Variants in ADGRB3 observed in about 807,000 individuals in gnomAD.
The protein encoded by ADGRB3 is adhesion G protein-coupled receptor B3, also known as brain-specific angiogenesis inhibitor 3.
Under a neutral mutation model 193.4 loss-of-function variants are expected in ADGRB3, and 37 were observed. That is an observed-to-expected ratio of 0.19 (90% CI 0.15 to 0.25). ADGRB3 has a LOEUF of 0.25. Among genes scored for constraint, ADGRB3 ranks in the 10% least tolerant of loss-of-function variants. The pLI, the probability that ADGRB3 is intolerant of heterozygous loss-of-function variation, is 1.00. For synonymous variants in ADGRB3, 690 were observed against 644.2 expected, an observed-to-expected ratio of 1.07 and a Z score of -1.08; for missense variants, 1,637 against 1,852.9, an observed-to-expected ratio of 0.88 and a Z score of 2.14.
chr6:68,991,603 A>G (rs1202312993), intron 10 of ADGRB3, among the ~76,000 whole-genome samples: 1 of 151,672 alleles, frequency 6.6e-6, no homozygotes, highest in Non-Finnish European at 1.5e-5. Flanking sequence ...AGGCCCTGAG[A>G]TATGCATTTT....
chr6:68,926,742 A>G lies in ADGRB3; in HGVS notation c.758-3817A>G, dbSNP rs182197148. Among the ~76,000 whole-genome samples, 223 of 151,720 alleles carry G rather than the reference A, an allele frequency of 1.5e-3. 2 individuals carry two copies. The highest frequency in any genetic ancestry group is 5.3e-3 in the African/African-American group (219 of 41,062). ...ACACATGGTAAAATAAGAAACGGATATGTGTTTGTGTTTTAACTTTTTAAT... is the reference window on the plus strand; with the variant it reads ...ACACATGGTAAAATAAGAAACGGATGTGTGTTTGTGTTTTAACTTTTTAAT... On this transcript the variant is annotated intron_variant, in intron 3 of 31. Coordinates refer to ENST00000370598, the MANE Select transcript of ADGRB3 (RefSeq NM_001704.3).
At chr6:68,940,918 C>T (rs1336185323) in intron 5 of ADGRB3, among the ~76,000 whole-genome samples, 1 of 152,036 alleles carries the variant, frequency 6.6e-6, no homozygotes, top group Non-Finnish European at 1.5e-5. Context: ...TGAAACCTTT[C>T]ACTTATTTTA....
chr6:68,742,815 T>G (rs901796131), intron 3 of ADGRB3, among the ~76,000 whole-genome samples: 6 of 152,126 alleles, frequency 3.9e-5, no homozygotes, highest in African/African-American at 1.4e-4. Context: ...AACTAAATGG[T>G]GTGAACATTA....
chr6:68,998,672 T>C (rs375186785), intron 11 of ADGRB3, among the ~76,000 whole-genome samples: 1 of 152,254 alleles, frequency 6.6e-6, no homozygotes, highest in East Asian at 1.9e-4. Flanking sequence ...CCATTGTTTA[T>C]TTTTGATGCC....
At chr6:69,312,807 A>C (rs1240240919) in intron 20 of ADGRB3, among the ~76,000 whole-genome samples, 1 of 151,764 alleles carries the variant, frequency 6.6e-6, no homozygotes, top group African/African-American at 2.4e-5. Context: ...TAGATTACAC[A>C]CATGAATGCA....
intron 3 of ADGRB3, among the ~76,000 whole-genome samples, chr6:68,909,499 A>T (rs1178596159): frequency 6.6e-6 from 1 of 152,210 alleles, no homozygotes; most frequent in Non-Finnish European, 1.5e-5. Context: ...AAATGTAAAT[A>T]AGGCAACAAA....
At chr6:69,264,344 GT>G (rs1429675198) in intron 20 of ADGRB3, among the ~76,000 whole-genome samples, 1 of 151,832 alleles carries the variant, frequency 6.6e-6, no homozygotes, top group African/African-American at 2.4e-5. Flanking sequence ...AAAACTATCA[GT>G]GTGATCAGTT....
chr6:69,322,685 T>C (rs1768485361), intron 20 of ADGRB3, among the ~76,000 whole-genome samples: 1 of 151,934 alleles, frequency 6.6e-6, no homozygotes, highest in African/African-American at 2.4e-5. Context: ...TGAAGCAAAG[T>C]GTAGCTCCTT....
intron 24 of ADGRB3, among the ~76,000 whole-genome samples, chr6:69,334,271 G>A (rs993620934): frequency 6.6e-6 from 1 of 151,880 alleles, no homozygotes; most frequent in African/African-American, 2.4e-5. Context: ...CCTACTAATT[G>A]ATCAGTTACT....
chr6:69,040,349 C>CTTTCTTTCTTTCTTTCTTTCT (rs1771003102), intron 13 of ADGRB3, among the ~76,000 whole-genome samples: 1 of 53,930 alleles, frequency 1.9e-5, no homozygotes, highest in Non-Finnish European at 3.8e-5. Context: ...TTCTTTCTTT[C>CTTTCTTTCTTTCTTTCTTTCT]TTTCTTTCTT....
At chr6:68,882,583 G>T (rs1453910120) in intron 3 of ADGRB3, among the ~76,000 whole-genome samples, 1 of 152,030 alleles carries the variant, frequency 6.6e-6, no homozygotes, top group Admixed American at 6.6e-5. Flanking sequence ...GTCCTATATA[G>T]TTATCTCTCT....
intron 17 of ADGRB3, among the ~76,000 whole-genome samples, chr6:69,149,924 CTGTGTGTGTGTGTG>C (rs1167142377): frequency 0.033 from 4,315 of 128,948 alleles, 81 homozygotes; most frequent in African/African-American, 0.04. Context: ...GTCTGTCTTT[CTGTGTGTGTGTGTG>C]TGTGTGTGTG....
chr6:68,785,998 G>C (rs1249689974), intron 3 of ADGRB3, among the ~76,000 whole-genome samples: 4 of 151,782 alleles, frequency 2.6e-5, no homozygotes, highest in African/African-American at 7.3e-5. Flanking sequence ...ACTTTTTGAT[G>C]GGGTTGTTTT....
intron 3 of ADGRB3, among the ~76,000 whole-genome samples, chr6:68,732,758 A>G (rs1765797314): frequency 1.3e-5 from 2 of 151,932 alleles, no homozygotes; most frequent in African/African-American, 4.8e-5. Context: ...GGATTTCCAT[A>G]TTCTGTGGTG....
At chr6:68,866,399 G>A (rs1359926715) in intron 3 of ADGRB3, among the ~76,000 whole-genome samples, 3 of 152,152 alleles carry the variant, frequency 2.0e-5, no homozygotes, top group African/African-American at 7.2e-5. Context: ...CTAGTTTCCT[G>A]AGGCCTCTCC....
chr6:69,072,530 TA>T (rs1205119556), intron 16 of ADGRB3, among the ~76,000 whole-genome samples: 1 of 152,180 alleles, frequency 6.6e-6, no homozygotes, highest in Admixed American at 6.5e-5. Flanking sequence ...TGTTCTTTTC[TA>T]ATTTTTTTTT....
intron 17 of ADGRB3, among the ~76,000 whole-genome samples, chr6:69,172,902 G>A (rs2150348579): frequency 6.6e-6 from 1 of 152,234 alleles, no homozygotes; most frequent in Admixed American, 6.5e-5. Flanking sequence ...TGGAAAGAAA[G>A]AATGCTGGTA....
intron 17 of ADGRB3, among the ~76,000 whole-genome samples, chr6:69,098,439 A>G (rs1772946127): frequency 6.6e-6 from 1 of 152,212 alleles, no homozygotes; most frequent in Admixed American, 6.5e-5. Context: ...TACTATAAAG[A>G]ACTACCTGAG....
chr6:69,221,622 C>T (rs115695426), intron 17 of ADGRB3, among the ~76,000 whole-genome samples: 304 of 152,230 alleles, frequency 2.0e-3, no homozygotes, highest in African/African-American at 6.8e-3. Flanking sequence ...CAAAAGAGGT[C>T]CTTCTTCATA....
Sources: allele counts gnomAD v4.1 joint callset (sites outside exome capture counted in the v4.1 genomes callset), GRCh38; gene constraint gnomAD v4.1.1; transcripts MANE v1.5; gene names NCBI Gene and HGNC (gene_info 2026-07-23, HGNC 2026-07-21).